The following ACTR3 variants were observed in gnomAD, a reference collection of about 807,000 sequenced individuals.
ACTR3 encodes the protein actin related protein 3.
A neutral mutation model predicts 56.8 loss-of-function variants in ACTR3; 12 were observed. The ratio of observed to expected loss-of-function variants is 0.21; its 90% CI spans 0.14 to 0.34. ACTR3 has a LOEUF of 0.34. Ranked by LOEUF, ACTR3 falls within the 10% of genes least tolerant of loss-of-function variation. The probability of loss-of-function intolerance (pLI) is 1.00; values close to 1 mark genes in which losing one functional copy is unlikely to be tolerated. For missense variants in ACTR3, 282 were observed against 512.5 expected, an observed-to-expected ratio of 0.55 and a Z score of 4.34; for synonymous variants, 162 against 167.4, an observed-to-expected ratio of 0.97 and a Z score of 0.25.
rs1330549523 is a variant in ACTR3 at position 113,957,503 on chromosome 2, C to G, written c.*48C>G. The G allele has an allele frequency of 1.0e-5, 15 of 1,468,590 alleles. No homozygotes were observed. Among genetic ancestry groups the G allele is most frequent in the Non-Finnish European group, 1.4e-5 (15 of 1,050,270 alleles). The allele number at this position is 1,468,590 out of a possible 1,614,324, so 91.0% of individuals were successfully genotyped here. A position where few individuals can be genotyped will look rare whatever the true frequency, so the allele number is the denominator to read the frequency against. Reference sequence around the variant, plus strand: ...GTTAGGGAGGTGGGGAAGAGATAATCTTTCTGATTACCTGTTTTGTCTGGA... The same window carrying G: ...GTTAGGGAGGTGGGGAAGAGATAATGTTTCTGATTACCTGTTTTGTCTGGA... On this transcript the variant is annotated 3_prime_UTR_variant, in exon 12 of 12. Transcript: ENST00000263238.
At chr2:113,939,204 A>T (rs1257888999) in intron 6 of ACTR3, among the ~76,000 whole-genome samples, 1 of 151,632 alleles carries the variant, frequency 6.6e-6, no homozygotes, top group African/African-American at 2.4e-5. Flanking sequence ...TTGTATTTTT[A>T]GTAGAGACGG....
intron 5 of ACTR3, among the ~76,000 whole-genome samples, chr2:113,933,481 C>G (rs770548401): frequency 2.0e-5 from 3 of 151,926 alleles, no homozygotes; most frequent in Non-Finnish European, 1.5e-5. Flanking sequence ...GCATTCCAGC[C>G]TGGGTGACAG....
chr2:113,950,131 T>C (rs963235672), intron 8 of ACTR3, among the ~76,000 whole-genome samples: 4 of 152,218 alleles, frequency 2.6e-5, no homozygotes, highest in Non-Finnish European at 5.9e-5. Flanking sequence ...CATTAACATA[T>C]ACCCTTGTTT....
At position 113,957,513 on chromosome 2, in the gene ACTR3, A is replaced by G; in HGVS notation, c.*58A>G. ...TGGGGAAGAGATAATCTTTCTGATT[A>G]CCTGTTTTGTCTGGATGGCTGGTTT... On this transcript the variant is annotated 3_prime_UTR_variant, in exon 12 of 12. Transcript: ENST00000263238. 7.1e-7 allele frequency: 1 copy of G among 1,414,322 alleles called. No homozygotes were observed. Among genetic ancestry groups the G allele is most frequent in the Admixed American group, 1.7e-5 (1 of 59,120 alleles). The allele number at this position is 1,414,322 out of a possible 1,614,324, so 87.6% of individuals were successfully genotyped here. A position where few individuals can be genotyped will look rare whatever the true frequency, so the allele number is the denominator to read the frequency against.
chr2:113,924,244 T>A (rs867129655), intron 3 of ACTR3, among the ~76,000 whole-genome samples: 7 of 143,656 alleles, frequency 4.9e-5, no homozygotes, highest in South Asian at 2.2e-4. Flanking sequence ...TAATTAAAAA[T>A]TTTTTTTTTT....
chr2:113,899,548 G>C (rs555872222), intron 1 of ACTR3, among the ~76,000 whole-genome samples: 1 of 152,316 alleles, frequency 6.6e-6, no homozygotes, highest in African/African-American at 2.4e-5. Context: ...TGGCTTACTA[G>C]CATTTAATTG....
intron 1 of ACTR3, 115 bp downstream of exon 1, chr2:113,890,438 TC>T (rs1678864175): frequency 7.7e-7 from 1 of 1,291,178 alleles, no homozygotes; most frequent in South Asian, 1.5e-5. Flanking sequence ...CGGCTGTCAG[TC>T]CTAGACCCGC....
intron 1 of ACTR3, among the ~76,000 whole-genome samples, chr2:113,906,063 A>C (rs564437839): frequency 6.6e-6 from 1 of 152,258 alleles, no homozygotes; most frequent in South Asian, 2.1e-4. Context: ...TTTTTGGAGG[A>C]ACTATTTTAT....
intron 3 of ACTR3, among the ~76,000 whole-genome samples, chr2:113,921,110 C>T (rs1574364115): frequency 6.6e-6 from 1 of 152,254 alleles, no homozygotes; most frequent in African/African-American, 2.4e-5. Context: ...CCCTTTTCTG[C>T]ACATCCTTGC....
chr2:113,937,442 G>GAGATA (rs1679849882), intron 6 of ACTR3, among the ~76,000 whole-genome samples: 1 of 152,082 alleles, frequency 6.6e-6, no homozygotes, highest in African/African-American at 2.4e-5. Context: ...ACCATATCTA[G>GAGATA]TGCTCTCTAT....
At chr2:113,956,901 C>CT (rs1680225749) in intron 11 of ACTR3, among the ~76,000 whole-genome samples, 1 of 152,180 alleles carries the variant, frequency 6.6e-6, no homozygotes, top group South Asian at 2.1e-4. Context: ...AACAGTCTAT[C>CT]TTTTCCAGAC....
chr2:113,933,434 A>G (rs1261465077), intron 5 of ACTR3, among the ~76,000 whole-genome samples: 1 of 152,068 alleles, frequency 6.6e-6, no homozygotes, highest in Admixed American at 6.5e-5. Flanking sequence ...CTTGAACCCA[A>G]GAGGCGGAGA....
At chr2:113,952,549 G>A (rs1362725858) in intron 10 of ACTR3, 6 of 151,982 alleles carry the variant, frequency 3.9e-5, no homozygotes, top group Admixed American at 2.0e-4. Flanking sequence ...CAAGAATGAG[G>A]ACTTTATCTG....
At chr2:113,912,584 C>T (rs879250123) in intron 1 of ACTR3, among the ~76,000 whole-genome samples, 24 of 152,106 alleles carry the variant, frequency 1.6e-4, no homozygotes, top group Admixed American at 9.8e-4. Flanking sequence ...TTCATCATGC[C>T]CCAGTTCCCT....
intron 6 of ACTR3, among the ~76,000 whole-genome samples, chr2:113,937,923 C>T (rs1679856667): frequency 6.6e-6 from 1 of 152,036 alleles, no homozygotes; most frequent in South Asian, 2.1e-4. Context: ...TTACTGATTA[C>T]ATATTTTTTC....
At position 113,893,389 on chromosome 2, in the gene ACTR3, G is replaced by A. The variant is rs1195514337; in HGVS notation, c.44+3066G>A. ...GCTCACTGCAACCTCCACCTCCCAG[G>A]TTCAAGCTATTCTCCTGCCTCAGCC... On this transcript the variant is annotated intron_variant, in intron 1 of 11. Coordinates refer to ENST00000263238, the MANE Select transcript of ACTR3 (RefSeq NM_005721.5). Among the ~76,000 whole-genome samples, 7 of 152,152 alleles carry A rather than the reference G, an allele frequency of 4.6e-5. No individual in the cohort carries two copies. In the South Asian group the frequency reaches 1.2e-3, roughly 27 times the overall value.
chr2:113,900,403 A>T (rs1473191334), intron 1 of ACTR3, among the ~76,000 whole-genome samples: 2 of 152,032 alleles, frequency 1.3e-5, no homozygotes, highest in East Asian at 3.8e-4. Flanking sequence ...TTTGTGACTG[A>T]TTTCTTTCAT....
At chr2:113,910,492 C>T (rs570233594) in intron 1 of ACTR3, among the ~76,000 whole-genome samples, 53 of 152,212 alleles carry the variant, frequency 3.5e-4, no homozygotes, top group African/African-American at 1.3e-3. Context: ...CATCTTCAAG[C>T]AGGTGAGTCA....
At position 113,933,677 on chromosome 2, in the gene ACTR3, A is replaced by ATTTTTT. The variant is rs1167918809; in HGVS notation, c.433-587_433-582dup. Among the ~76,000 whole-genome samples, 480 of 123,790 alleles carry ATTTTTT rather than the reference A, an allele frequency of 3.9e-3. 7 individuals are homozygous for ATTTTTT. Among genetic ancestry groups the ATTTTTT allele is most frequent in the Non-Finnish European group, 5.4e-3 (335 of 61,620 alleles). The allele number at this position is 123,790 out of a possible 152,430, so 81.2% of individuals were successfully genotyped here. A position where few individuals can be genotyped will look rare whatever the true frequency, so the allele number is the denominator to read the frequency against. On this transcript the variant is annotated intron_variant, in intron 5 of 11. Coordinates refer to ENST00000263238, the MANE Select transcript of ACTR3 (RefSeq NM_005721.5). The stretch of plus-strand genomic sequence containing the variant: ...AGTTCTGGCAAGTTAGTTCTATACA[A>ATTTTTT]TTTTTTTTTTTTTTTTTTTTGAGAT...
Sources: gnomAD v4.1 joint callset for allele counts (sites outside exome capture counted in the v4.1 genomes callset) on GRCh38, gnomAD v4.1.1 for gene constraint, MANE v1.5 for transcripts, NCBI Gene and HGNC (gene_info 2026-07-23, HGNC 2026-07-21) for gene names.